Variants in WWOX observed in about 807,000 individuals in gnomAD.
WWOX encodes the protein WW domain-containing oxidoreductase.
WWOX carries 69 observed loss-of-function variants against 46.2 expected under a neutral mutation model. That is an observed-to-expected ratio of 1.49 (90% CI 1.23 to 1.82). WWOX has a LOEUF of 1.82. Ranked by LOEUF, WWOX falls within the 40% of genes most tolerant of loss-of-function variation. WWOX has a pLI of 0.00. For missense variants in WWOX, 919 were observed against 542.6 expected, an observed-to-expected ratio of 1.69 and a Z score of -6.89; for synonymous variants, 359 against 202.6, an observed-to-expected ratio of 1.77 and a Z score of -6.56.
intron 8 of WWOX, among the ~76,000 whole-genome samples, chr16:78,549,516 G>C (rs375372341): frequency 1.7e-4 from 26 of 151,980 alleles, no homozygotes; most frequent in African/African-American, 6.3e-4. Flanking sequence ...ATGCTATCTC[G>C]ACTTCTGTGT....
At chr16:78,560,309 C>T (rs1395809583) in intron 8 of WWOX, among the ~76,000 whole-genome samples, 3 of 152,150 alleles carry the variant, frequency 2.0e-5, no homozygotes, top group South Asian at 2.1e-4. Flanking sequence ...AGCTGCTGGT[C>T]TGTATTTACT....
At chr16:78,613,150 T>A (rs1219395979) in intron 8 of WWOX, among the ~76,000 whole-genome samples, 1 of 152,134 alleles carries the variant, frequency 6.6e-6, no homozygotes, top group African/African-American at 2.4e-5. Context: ...CAATGACAAG[T>A]GAGGACTCCC....
intron 8 of WWOX, among the ~76,000 whole-genome samples, chr16:78,893,661 T>C (rs968155868): frequency 6.6e-6 from 1 of 152,206 alleles, no homozygotes; most frequent in African/African-American, 2.4e-5. Context: ...GGAGACTCTT[T>C]TGTCTGAGGT....
chr16:78,631,809 A>AACC (rs1257926426), intron 8 of WWOX, among the ~76,000 whole-genome samples: 1 of 152,170 alleles, frequency 6.6e-6, no homozygotes, highest in African/African-American at 2.4e-5. Context: ...TATAGGTGTG[A>AACC]ACCACCATAC....
intron 8 of WWOX, among the ~76,000 whole-genome samples, chr16:78,662,594 G>A (rs1328933606): frequency 2.0e-5 from 3 of 152,130 alleles, no homozygotes; most frequent in Admixed American, 1.3e-4. Context: ...CCAGGCAGTC[G>A]TGGGCTTGAT....
intron 5 of WWOX, among the ~76,000 whole-genome samples, chr16:78,322,206 A>G (rs1004694067): frequency 6.6e-6 from 1 of 152,120 alleles, no homozygotes; most frequent in African/African-American, 2.4e-5. Flanking sequence ...AAATGAGCCA[A>G]AATCCATCTG....
Position 79,012,149 on chromosome 16 carries a change from G to C in WWOX, c.1057-199459G>C, listed in dbSNP as rs924030353. Reference sequence around the variant, plus strand: ...TCCAATAGAACTTTCTGCAGTGATGGATGTCTTCTATCTCTGCCCTGTCCA... The same window carrying C: ...TCCAATAGAACTTTCTGCAGTGATGCATGTCTTCTATCTCTGCCCTGTCCA... On this transcript the variant is annotated intron_variant, in intron 8 of 8. Transcript: ENST00000566780. Among the ~76,000 whole-genome samples the C allele has an allele frequency of 2.0e-5, 3 of 152,280 alleles. 1 individual carries two copies. Among genetic ancestry groups the C allele is most frequent in the African/African-American group, 7.2e-5 (3 of 41,562 alleles).
intron 8 of WWOX, among the ~76,000 whole-genome samples, chr16:78,819,275 G>T (rs375115717): frequency 5.9e-5 from 9 of 152,212 alleles, no homozygotes; most frequent in African/African-American, 2.2e-4. Flanking sequence ...GATTCTGGAG[G>T]CAAGACTCAA....
chr16:78,826,435 C>T (rs1259268026), intron 8 of WWOX, among the ~76,000 whole-genome samples: 2 of 152,188 alleles, frequency 1.3e-5, no homozygotes, highest in African/African-American at 2.4e-5. Flanking sequence ...TTTGGAGGCT[C>T]TAGCTAAGAA....
chr16:78,825,659 T>C, intron 8 of WWOX: 1 of 526,152 alleles, frequency 1.9e-6, no homozygotes, highest in Non-Finnish European at 3.7e-6. Flanking sequence ...TCATCATGAA[T>C]AGGGGGGCCA....
At chr16:78,455,439 G>A (rs1411624213) in intron 8 of WWOX, among the ~76,000 whole-genome samples, 1 of 151,880 alleles carries the variant, frequency 6.6e-6, no homozygotes, top group East Asian at 1.9e-4. Flanking sequence ...TCAGGAGTTT[G>A]AGACCAGCCT....
At chr16:78,146,375 C>G (rs1158937525) in intron 4 of WWOX, among the ~76,000 whole-genome samples, 2 of 152,150 alleles carry the variant, frequency 1.3e-5, no homozygotes, top group African/African-American at 2.4e-5. Context: ...GTTGGGGATC[C>G]TACCAAGACC....
intron 8 of WWOX, among the ~76,000 whole-genome samples, chr16:78,463,301 A>G (rs541030225): frequency 1.3e-3 from 205 of 152,322 alleles, no homozygotes; most frequent in African/African-American, 4.6e-3. Context: ...CATCCGTGGT[A>G]AAAAGCAATA....
intron 5 of WWOX, among the ~76,000 whole-genome samples, chr16:78,312,654 C>T (rs1237366828): frequency 2.0e-5 from 3 of 152,210 alleles, no homozygotes; most frequent in Non-Finnish European, 4.4e-5. Flanking sequence ...AGATTACAGG[C>T]ATGAGCCACT....
intron 8 of WWOX, among the ~76,000 whole-genome samples, chr16:79,065,250 G>A (rs2048420959): frequency 1.3e-5 from 2 of 152,292 alleles, no homozygotes; most frequent in South Asian, 4.1e-4. Context: ...CCAGTTCACT[G>A]AGATGACATT....
At chr16:78,663,045 A>T (rs1176510105) in intron 8 of WWOX, among the ~76,000 whole-genome samples, 4 of 152,140 alleles carry the variant, frequency 2.6e-5, no homozygotes, top group African/African-American at 4.8e-5. Flanking sequence ...AAAGTGGACA[A>T]TTCATTGGCT....
chr16:78,575,354 G>C (rs1015873568), intron 8 of WWOX, among the ~76,000 whole-genome samples: 25 of 151,066 alleles, frequency 1.7e-4, no homozygotes, highest in Non-Finnish European at 3.2e-4. Flanking sequence ...TTTGTTTAGA[G>C]GATACTAGCC....
intron 8 of WWOX, among the ~76,000 whole-genome samples, chr16:79,200,087 T>C (rs1181746758): frequency 6.6e-6 from 1 of 152,136 alleles, no homozygotes; most frequent in Non-Finnish European, 1.5e-5. Context: ...CAGGACCTCC[T>C]TTGCACGAAG....
chr16:78,548,560 T>C (rs986434096), intron 8 of WWOX, among the ~76,000 whole-genome samples: 1 of 152,234 alleles, frequency 6.6e-6, no homozygotes, highest in African/African-American at 2.4e-5. Context: ...ATCATATTTT[T>C]AACTTTCACT....
Sources: allele counts gnomAD v4.1 joint callset (sites outside exome capture counted in the v4.1 genomes callset), GRCh38; gene constraint gnomAD v4.1.1; transcripts MANE v1.5; gene names NCBI Gene and HGNC (gene_info 2026-07-23, HGNC 2026-07-21).